Variants in SCFD2 observed in about 807,000 individuals in gnomAD.
SCFD2 encodes sec1 family domain-containing protein 2.
A neutral mutation model predicts 58.9 loss-of-function variants in SCFD2; 54 were observed. The ratio of observed to expected loss-of-function variants is 0.92; its 90% CI spans 0.74 to 1.15. The LOEUF (loss-of-function observed/expected upper bound fraction) is 1.15. Among genes scored for constraint, SCFD2 ranks in the 50% most tolerant of loss-of-function variants. The pLI is 0.00. For missense variants in SCFD2, 805 were observed against 836.6 expected, an observed-to-expected ratio of 0.96 and a Z score of 0.47; for synonymous variants, 321 against 335.9, an observed-to-expected ratio of 0.96 and a Z score of 0.49.
chr4:53,181,457 C>A (rs962427555), intron 4 of SCFD2, among the ~76,000 whole-genome samples: 4 of 152,222 alleles, frequency 2.6e-5, no homozygotes, highest in South Asian at 2.1e-4. Context: ...ATTCAACAAC[C>A]CTTCAGGCTA....
At chr4:53,352,900 C>T (rs1734273895) in intron 1 of SCFD2, 134 bp from the exon 2 acceptor site, 1 of 743,020 alleles carries the variant, frequency 1.3e-6, no homozygotes. Flanking sequence ...TCACATTTTG[C>T]CCTTCATACA....
intron 7 of SCFD2, among the ~76,000 whole-genome samples, chr4:52,903,018 C>T (rs1205043986): frequency 6.6e-6 from 1 of 152,176 alleles, no homozygotes; most frequent in Non-Finnish European, 1.5e-5. Flanking sequence ...TAGGAAAGAG[C>T]CTCAAATCTC....
chr4:53,053,706 C>T (rs1261875259), intron 5 of SCFD2, among the ~76,000 whole-genome samples: 1 of 152,172 alleles, frequency 6.6e-6, no homozygotes, highest in Non-Finnish European at 1.5e-5. Flanking sequence ...CTGCTGTCCA[C>T]CCAACACCCT....
At chr4:53,114,639 A>G (rs1725269257) in intron 5 of SCFD2, among the ~76,000 whole-genome samples, 1 of 152,170 alleles carries the variant, frequency 6.6e-6, no homozygotes, top group South Asian at 2.1e-4. Flanking sequence ...TCAGAATTGA[A>G]GGTGATGTAG....
At chr4:52,987,907 G>C (rs893952078) in intron 5 of SCFD2, among the ~76,000 whole-genome samples, 5 of 152,230 alleles carry the variant, frequency 3.3e-5, no homozygotes, top group African/African-American at 1.2e-4. Flanking sequence ...GGAACTGCAA[G>C]TGAGACAGCA....
At chr4:52,964,718 A>AC (rs1720922663) in intron 5 of SCFD2, among the ~76,000 whole-genome samples, 2 of 150,394 alleles carry the variant, frequency 1.3e-5, no homozygotes, top group African/African-American at 4.9e-5. Flanking sequence ...ACACATACAC[A>AC]AGGACTCAGA....
At chr4:53,319,680 C>A (rs1482813306) in intron 2 of SCFD2, among the ~76,000 whole-genome samples, 1 of 151,938 alleles carries the variant, frequency 6.6e-6, no homozygotes, top group Non-Finnish European at 1.5e-5. Flanking sequence ...TACAGGCATG[C>A]GCCATCTCGT....
chr4:53,062,101 G>A (rs562811202), intron 5 of SCFD2, among the ~76,000 whole-genome samples: 1 of 151,890 alleles, frequency 6.6e-6, no homozygotes, highest in South Asian at 2.1e-4. Context: ...GCCGGGTGTG[G>A]TGGCTCAGAC....
intron 5 of SCFD2, among the ~76,000 whole-genome samples, chr4:53,115,846 T>C (rs1312779302): frequency 5.3e-5 from 8 of 152,186 alleles, no homozygotes; most frequent in Non-Finnish European, 1.0e-4. Context: ...TGCTCCAGAA[T>C]AAAAATAAAA....
chr4:53,351,961 C>A (rs1320204211), intron 2 of SCFD2, among the ~76,000 whole-genome samples: 2 of 151,796 alleles, frequency 1.3e-5, no homozygotes, highest in Non-Finnish European at 2.9e-5. Context: ...ACTTTTTTCC[C>A]TTCTAATACT....
intron 5 of SCFD2, among the ~76,000 whole-genome samples, chr4:53,130,383 G>C (rs901941013): frequency 1.3e-5 from 2 of 152,174 alleles, no homozygotes; most frequent in African/African-American, 4.8e-5. Context: ...GAGAAGACAA[G>C]ATACCTCTAT....
chr4:53,322,726 C>T (rs747828319), intron 2 of SCFD2, among the ~76,000 whole-genome samples: 3 of 152,098 alleles, frequency 2.0e-5, no homozygotes, highest in Non-Finnish European at 2.9e-5. Flanking sequence ...AACACATATC[C>T]CTTCTCTGCC....
chr4:53,296,622 T>C (rs1380166799), intron 3 of SCFD2, among the ~76,000 whole-genome samples: 1 of 152,190 alleles, frequency 6.6e-6, no homozygotes, highest in Non-Finnish European at 1.5e-5. Context: ...GAAGTGTTTT[T>C]TATGTCTCTA....
intron 4 of SCFD2, among the ~76,000 whole-genome samples, chr4:53,229,165 G>A (rs1010840120): frequency 6.6e-6 from 1 of 152,184 alleles, no homozygotes; most frequent in Non-Finnish European, 1.5e-5. Context: ...TGGCTAGGAA[G>A]AATCAATATC....
At chr4:53,102,795 G>A (rs1293788163) in intron 5 of SCFD2, among the ~76,000 whole-genome samples, 1 of 151,998 alleles carries the variant, frequency 6.6e-6, no homozygotes, top group Non-Finnish European at 1.5e-5. Context: ...TCTTATGTAG[G>A]GGAATTTCAC....
At chr4:52,899,805 G>T (rs1719134769) in intron 7 of SCFD2, among the ~76,000 whole-genome samples, 1 of 152,074 alleles carries the variant, frequency 6.6e-6, no homozygotes, top group Non-Finnish European at 1.5e-5. Flanking sequence ...CGTAGATTTG[G>T]TCTTTTCATA....
chr4:53,298,746 A>C (rs1279230304), intron 3 of SCFD2, among the ~76,000 whole-genome samples: 1 of 152,060 alleles, frequency 6.6e-6, no homozygotes, highest in Non-Finnish European at 1.5e-5. Context: ...CTGAGACAAA[A>C]CTTCCAGAGG....
chr4:52,948,654 T>C (rs990402369), intron 5 of SCFD2: 9 of 414,962 alleles, frequency 2.2e-5, no homozygotes, highest in Non-Finnish European at 4.4e-5. Context: ...TTCCAACTCC[T>C]ACTTATATAT....
chr4:53,027,877 C>A (rs866198259), intron 5 of SCFD2, among the ~76,000 whole-genome samples: 5 of 151,788 alleles, frequency 3.3e-5, no homozygotes, highest in East Asian at 2.0e-4. Context: ...AAAGTAAGTA[C>A]ATTTTTGTAC....
Sources: gnomAD v4.1 joint callset for allele counts (sites outside exome capture counted in the v4.1 genomes callset) on GRCh38, gnomAD v4.1.1 for gene constraint, MANE v1.5 for transcripts, NCBI Gene and HGNC (gene_info 2026-07-23, HGNC 2026-07-21) for gene names.